Variants in CSRNP3 observed in about 807,000 individuals in gnomAD.
CSRNP3 encodes the protein cysteine and serine rich nuclear protein 3, also known as cysteine/serine-rich nuclear protein 3.
Under a neutral mutation model 48.0 loss-of-function variants are expected in CSRNP3, and 12 were observed. The observed-to-expected ratio is 0.25, with a 90% confidence interval of 0.16 to 0.41. CSRNP3 has a LOEUF of 0.41. CSRNP3 is among the 10% of genes least tolerant of loss of function. The pLI is 1.00. For synonymous variants in CSRNP3, 263 were observed against 269.7 expected, an observed-to-expected ratio of 0.98 and a Z score of 0.24; for missense variants, 580 against 724.4, an observed-to-expected ratio of 0.80 and a Z score of 2.29.
At chr2:165,515,583 A>G (rs12104599) in intron 2 of CSRNP3, among the ~76,000 whole-genome samples, 2,640 of 151,596 alleles carry the variant, frequency 0.017, 81 homozygotes, top group African/African-American at 0.06. Context: ...GCTTGAACGA[A>G]ATAGCATCCT....
At chr2:165,595,961 T>C (rs1685803213) in intron 4 of CSRNP3, among the ~76,000 whole-genome samples, 1 of 151,914 alleles carries the variant, frequency 6.6e-6, no homozygotes. Context: ...CACACCCAAC[T>C]AATTATTTTA....
At chr2:165,633,785 T>C (rs1452078979) in intron 4 of CSRNP3, among the ~76,000 whole-genome samples, 1 of 152,166 alleles carries the variant, frequency 6.6e-6, no homozygotes, top group African/African-American at 2.4e-5. Flanking sequence ...GTTACTAAAA[T>C]ATAGACAGAA....
At chr2:165,553,611 C>G (rs1468945496) in intron 3 of CSRNP3, among the ~76,000 whole-genome samples, 3 of 152,170 alleles carry the variant, frequency 2.0e-5, no homozygotes, top group Non-Finnish European at 4.4e-5. Context: ...TCTCTCCGCC[C>G]TCATCTTCAT....
At chr2:165,561,790 A>G (rs1685235973) in intron 3 of CSRNP3, among the ~76,000 whole-genome samples, 1 of 152,128 alleles carries the variant, frequency 6.6e-6, no homozygotes, top group African/African-American at 2.4e-5. Context: ...AGGAATTTCT[A>G]TTTTGTAAGC....
At chr2:165,483,882 T>C (rs956821039) in intron 1 of CSRNP3, among the ~76,000 whole-genome samples, 7 of 152,156 alleles carry the variant, frequency 4.6e-5, no homozygotes, top group Non-Finnish European at 5.9e-5. Flanking sequence ...AATTTCAACA[T>C]ATGAATTTTA....
intron 2 of CSRNP3, among the ~76,000 whole-genome samples, chr2:165,505,612 A>G (rs977404374): frequency 3.3e-5 from 5 of 152,186 alleles, no homozygotes; most frequent in African/African-American, 9.6e-5. Context: ...TTGTCTGATT[A>G]CCAGACATGA....
Position 165,576,138 on chromosome 2 carries a change from TA to T in CSRNP3, c.-23-18904del, listed in dbSNP as rs535522052. 5.8e-4 allele frequency among the ~76,000 whole-genome samples: 88 copies of T among 150,818 alleles called. 6 individuals are homozygous for T. In the East Asian group the frequency reaches 0.017, roughly 29 times the overall value. ...TTTTATATATGCATAAAACAATATA[TA>T]TATACACACACATATGTGTAACAAT... On this transcript the variant is annotated intron_variant, in intron 3 of 6. Coordinates refer to ENST00000651982, the MANE Select transcript of CSRNP3 (RefSeq NM_001172173.2).
At chr2:165,672,863 A>G (rs1180853552) in intron 5 of CSRNP3, among the ~76,000 whole-genome samples, 1 of 152,176 alleles carries the variant, frequency 6.6e-6, no homozygotes, top group Non-Finnish European at 1.5e-5. Context: ...ACTGGAAGAA[A>G]AGACTGGGGA....
At chr2:165,584,916 T>C (rs1685603003) in intron 3 of CSRNP3, among the ~76,000 whole-genome samples, 1 of 152,184 alleles carries the variant, frequency 6.6e-6, no homozygotes, top group East Asian at 1.9e-4. Context: ...AAAAAACTCA[T>C]AATGTTTTAA....
chr2:165,482,559 C>T (rs549248368), intron 1 of CSRNP3, among the ~76,000 whole-genome samples: 10 of 152,100 alleles, frequency 6.6e-5, no homozygotes, highest in African/African-American at 2.4e-4. Context: ...GCCACCATGC[C>T]CAGTCAACAG....
intron 6 of CSRNP3, among the ~76,000 whole-genome samples, chr2:165,678,104 A>C (rs1687458642): frequency 4.6e-5 from 7 of 152,206 alleles, no homozygotes; most frequent in Admixed American, 4.6e-4. Flanking sequence ...CACCCCAAAC[A>C]ATAAGAAGGT....
At chr2:165,539,176 A>G (rs1684921151) in intron 3 of CSRNP3, among the ~76,000 whole-genome samples, 1 of 152,044 alleles carries the variant, frequency 6.6e-6, no homozygotes, top group Non-Finnish European at 1.5e-5. Flanking sequence ...TTGATTACTT[A>G]AAGCATTTTC....
intron 1 of CSRNP3, among the ~76,000 whole-genome samples, chr2:165,491,820 G>A (rs1222207266): frequency 4.7e-5 from 5 of 107,078 alleles, no homozygotes; most frequent in African/African-American, 1.7e-4. Context: ...GGAGGGGGGA[G>A]GGATAGCATT....
At chr2:165,483,643 A>G (rs1310000645) in intron 1 of CSRNP3, among the ~76,000 whole-genome samples, 1 of 152,196 alleles carries the variant, frequency 6.6e-6, no homozygotes, top group Non-Finnish European at 1.5e-5. Flanking sequence ...TAAACCACAG[A>G]AATTTATTTC....
At chr2:165,495,118 T>A (rs1407523599) in intron 2 of CSRNP3, among the ~76,000 whole-genome samples, 190 bp downstream of exon 2, 1 of 151,846 alleles carries the variant, frequency 6.6e-6, no homozygotes, top group Non-Finnish European at 1.5e-5. Flanking sequence ...TTCTATGGAG[T>A]GAGTATGTAG....
chr2:165,579,947 GAGACAGAGTCTC>G (rs1685514218), intron 3 of CSRNP3, among the ~76,000 whole-genome samples: 1 of 38,764 alleles, frequency 2.6e-5, no homozygotes, highest in Admixed American at 2.5e-4. Context: ...TTTTTTTTTT[GAGACAGAGTCTC>G]ACTCTGTCGC....
At chr2:165,673,898 G>A (rs1687376263) in intron 5 of CSRNP3, among the ~76,000 whole-genome samples, 1 of 152,104 alleles carries the variant, frequency 6.6e-6, no homozygotes, top group African/African-American at 2.4e-5. Context: ...GCAGGCGCCT[G>A]TAATCCCAGC....
chr2:165,528,980 G>T (rs1684775700), intron 3 of CSRNP3, among the ~76,000 whole-genome samples: 1 of 152,184 alleles, frequency 6.6e-6, no homozygotes, highest in Non-Finnish European at 1.5e-5. Flanking sequence ...CAGAGCAGGG[G>T]GGAGCCCTGC....
At chr2:165,669,241 A>T (rs1325428527) in intron 5 of CSRNP3, among the ~76,000 whole-genome samples, 1 of 152,228 alleles carries the variant, frequency 6.6e-6, no homozygotes, top group Non-Finnish European at 1.5e-5. Flanking sequence ...AAATTTTGTT[A>T]GTAAACATAG....
Sources: allele counts gnomAD v4.1 joint callset (sites outside exome capture counted in the v4.1 genomes callset), GRCh38; gene constraint gnomAD v4.1.1; transcripts MANE v1.5; gene names NCBI Gene and HGNC (gene_info 2026-07-23, HGNC 2026-07-21).